FRMD3: variants seen among roughly 807,000 people sequenced by gnomAD.
FRMD3 encodes the protein FERM domain containing 3.
In FRMD3, 33 loss-of-function variants were observed where a neutral mutation model predicts 70.2. The ratio of observed to expected loss-of-function variants is 0.47; its 90% CI spans 0.36 to 0.63. FRMD3 has a LOEUF of 0.63. Among genes scored for constraint, FRMD3 ranks in the 20% least tolerant of loss-of-function variants. FRMD3 has a pLI of 0.00. For missense variants in FRMD3, 632 were observed against 711.4 expected, an observed-to-expected ratio of 0.89 and a Z score of 1.27; for synonymous variants, 279 against 255.9, an observed-to-expected ratio of 1.09 and a Z score of -0.86.
chr9:83,252,352 G>T (rs1244052336), intron 13 of FRMD3, among the ~76,000 whole-genome samples: 1 of 152,118 alleles, frequency 6.6e-6, no homozygotes, highest in Admixed American at 6.5e-5. Flanking sequence ...TACCAGCCTT[G>T]CAAGAGCTCC....
intron 1 of FRMD3, among the ~76,000 whole-genome samples, chr9:83,433,444 C>A (rs1330963681): frequency 6.6e-6 from 1 of 152,208 alleles, no homozygotes; most frequent in Non-Finnish European, 1.5e-5. Flanking sequence ...TTCAAAGCAG[C>A]AGTCCCCAAC....
intron 2 of FRMD3, among the ~76,000 whole-genome samples, chr9:83,375,458 C>T (rs1825112979): frequency 6.6e-6 from 1 of 152,226 alleles, no homozygotes; most frequent in Non-Finnish European, 1.5e-5. Flanking sequence ...CACACTTTTC[C>T]AGAACAGCTA....
chr9:83,310,739 G>C (rs1835320871), intron 8 of FRMD3, among the ~76,000 whole-genome samples, 191 bp from the exon 9 acceptor site: 1 of 152,168 alleles, frequency 6.6e-6, no homozygotes, highest in African/African-American at 2.4e-5. Flanking sequence ...CCCAAGAGAG[G>C]ATCCGCACAG....
At chr9:83,339,510 G>A (rs1053176019) in intron 5 of FRMD3, among the ~76,000 whole-genome samples, 17 of 152,220 alleles carry the variant, frequency 1.1e-4, no homozygotes, top group Admixed American at 1.1e-3. Context: ...GAATGGGTGA[G>A]TAAGGTCAGA....
chr9:83,585,630 G>C, the FRMD3 span, among the ~76,000 whole-genome samples: 2 of 152,156 alleles, frequency 1.3e-5, no homozygotes, highest in Non-Finnish European at 2.9e-5. Context: ...GCCAAGAAAC[G>C]CTATGTAGAG....
intron 1 of FRMD3, among the ~76,000 whole-genome samples, chr9:83,397,023 A>G (rs924358010): frequency 6.6e-6 from 1 of 152,058 alleles, no homozygotes; most frequent in South Asian, 2.1e-4. Flanking sequence ...GCATAGTGTT[A>G]ACTGAGCTGA....
intron 1 of FRMD3, among the ~76,000 whole-genome samples, chr9:83,477,634 A>T (rs1828431674): frequency 6.6e-6 from 1 of 152,152 alleles, no homozygotes; most frequent in Non-Finnish European, 1.5e-5. Flanking sequence ...TACTGAAGAA[A>T]AGGTTTTTTG....
chr9:83,379,020 G>A (rs917651193), intron 2 of FRMD3, among the ~76,000 whole-genome samples: 1 of 151,182 alleles, frequency 6.6e-6, no homozygotes, highest in Non-Finnish European at 1.5e-5. Flanking sequence ...GAGCCACCAC[G>A]CCCAGCCTGA....
chr9:83,370,829 T>C (rs945042419), intron 3 of FRMD3, among the ~76,000 whole-genome samples: 3 of 152,170 alleles, frequency 2.0e-5, no homozygotes, highest in Admixed American at 6.5e-5. Context: ...CAAGAATCAC[T>C]TGAACCTGGG....
chr9:83,467,855 T>A (rs1828170621), intron 1 of FRMD3: 1 of 1,305,800 alleles, frequency 7.7e-7, no homozygotes, highest in Middle Eastern at 2.3e-4. Flanking sequence ...GATGGTTTTT[T>A]AAAAAAGTTA....
chr9:83,424,849 G>A (rs1336008228), intron 1 of FRMD3, among the ~76,000 whole-genome samples: 1 of 152,186 alleles, frequency 6.6e-6, no homozygotes, highest in Non-Finnish European at 1.5e-5. Context: ...TTTTACAGGT[G>A]TGAATACCAA....
intron 13 of FRMD3, among the ~76,000 whole-genome samples, chr9:83,260,844 T>TA (rs1832953059): frequency 6.6e-6 from 1 of 152,178 alleles, no homozygotes; most frequent in Admixed American, 6.5e-5. Flanking sequence ...GTGACTCCTT[T>TA]ATCGCTCCTT....
chr9:83,336,400 A>G lies in FRMD3; in HGVS notation c.473-761T>C, dbSNP rs143386748. On this transcript the variant is annotated intron_variant, in intron 5 of 13. Transcript: ENST00000304195. ...AATGCTCCCCAGGATAGGAGGTGGT[A>G]CCACCTTTAGATGGAAACCAGTGGA... Among the ~76,000 whole-genome samples the G allele has an allele frequency of 1.0e-3, 151 of 151,398 alleles. 4 individuals carry two copies. In the East Asian group the frequency reaches 0.026, roughly 26 times the overall value.
intron 3 of FRMD3, among the ~76,000 whole-genome samples, chr9:83,365,112 T>A (rs1824747018): frequency 1.3e-5 from 2 of 152,218 alleles, no homozygotes; most frequent in African/African-American, 4.8e-5. Flanking sequence ...CCAGTGGTCT[T>A]TTTATATATT....
intron 5 of FRMD3, among the ~76,000 whole-genome samples, chr9:83,339,561 G>T (rs1289527840): frequency 2.0e-5 from 3 of 152,188 alleles, no homozygotes; most frequent in Admixed American, 6.5e-5. Context: ...CCCTGGTTTG[G>T]AAAGGACTCA....
intron 1 of FRMD3, among the ~76,000 whole-genome samples, chr9:83,520,317 G>T (rs1327734074): frequency 6.6e-6 from 1 of 152,054 alleles, no homozygotes; most frequent in Non-Finnish European, 1.5e-5. Context: ...GAAAATAAAG[G>T]CATATGTATT....
At chr9:83,474,557 A>G (rs1486538265) in intron 1 of FRMD3, among the ~76,000 whole-genome samples, 1 of 152,170 alleles carries the variant, frequency 6.6e-6, no homozygotes, top group Non-Finnish European at 1.5e-5. Context: ...TGATGAATCA[A>G]AAGCAAGTCT....
intron 6 of FRMD3, among the ~76,000 whole-genome samples, chr9:83,327,432 A>G (rs1000882150): frequency 2.0e-5 from 3 of 152,152 alleles, no homozygotes; most frequent in Non-Finnish European, 4.4e-5. Context: ...ATTCATGTGG[A>G]ATGTGGGCTG....
At chr9:83,261,191 A>T (rs2118693049) in intron 13 of FRMD3, among the ~76,000 whole-genome samples, 1 of 151,452 alleles carries the variant, frequency 6.6e-6, no homozygotes, top group South Asian at 2.1e-4. Flanking sequence ...AATCTGGAAC[A>T]CTGCCTCTCA....
Sources: gnomAD v4.1 joint callset for allele counts (sites outside exome capture counted in the v4.1 genomes callset) on GRCh38, gnomAD v4.1.1 for gene constraint, MANE v1.5 for transcripts, NCBI Gene and HGNC (gene_info 2026-07-23, HGNC 2026-07-21) for gene names.